DENND2C: variants seen among roughly 807,000 people sequenced by gnomAD.
DENND2C encodes the protein DENN domain containing 2C.
A neutral mutation model predicts 112.4 loss-of-function variants in DENND2C; 72 were observed. The observed-to-expected ratio is 0.64, with a 90% CI of 0.53 to 0.78. The LOEUF is 0.78. Among genes scored for constraint, DENND2C ranks in the 30% least tolerant of loss-of-function variants. The probability of loss-of-function intolerance (pLI) is 0.00; values close to 1 mark genes in which losing one functional copy is unlikely to be tolerated. For synonymous variants in DENND2C, 329 were observed against 381.6 expected, an observed-to-expected ratio of 0.86 and a Z score of 1.61; for missense variants, 992 against 1,113.8, an observed-to-expected ratio of 0.89 and a Z score of 1.56.
intron 1 of DENND2C, 150 bp from the exon 2 acceptor site, chr1:114,654,911 C>G (rs1657267571): frequency 6.6e-6 from 1 of 152,340 alleles, no homozygotes; most frequent in Middle Eastern, 3.4e-3. Context: ...GCTATTACAT[C>G]CACATTCCAG....
At chr1:114,655,399 C>T (rs1657280066) in intron 1 of DENND2C, among the ~76,000 whole-genome samples, 1 of 152,096 alleles carries the variant, frequency 6.6e-6, no homozygotes, top group South Asian at 2.1e-4. Flanking sequence ...AAACTAAGAG[C>T]GCATTCCTGG....
intron 5 of DENND2C, 35 bp downstream of exon 5, chr1:114,623,472 T>A: frequency 8.2e-6 from 13 of 1,583,980 alleles, no homozygotes; most frequent in Non-Finnish European, 1.1e-5. Flanking sequence ...AAATATATAA[T>A]CACTAAATTT....
chr1:114,653,324 G>C (rs1200316943), intron 2 of DENND2C, among the ~76,000 whole-genome samples: 1 of 151,996 alleles, frequency 6.6e-6, no homozygotes, highest in Admixed American at 6.6e-5. Flanking sequence ...ACCCAGGCTG[G>C]TCTTGAACTC....
At chr1:114,653,774 T>C (rs1000211881) in intron 2 of DENND2C, among the ~76,000 whole-genome samples, 26 of 152,280 alleles carry the variant, frequency 1.7e-4, no homozygotes, top group Admixed American at 1.3e-3. Flanking sequence ...TGAACACATA[T>C]GATGATGCAG....
intron 3 of DENND2C, among the ~76,000 whole-genome samples, chr1:114,638,272 T>G (rs1198314492): frequency 1.3e-5 from 2 of 152,138 alleles, no homozygotes; most frequent in East Asian, 1.9e-4. Flanking sequence ...TTACAAAATT[T>G]AAGTTGAAAT....
chr1:114,592,868 AC>A (rs1655234219), intron 18 of DENND2C, among the ~76,000 whole-genome samples: 1 of 152,144 alleles, frequency 6.6e-6, no homozygotes, highest in Admixed American at 6.5e-5. Flanking sequence ...TGTCAAATCC[AC>A]TGGTCAAATC....
chr1:114,616,024 G>A (rs1166256634), intron 8 of DENND2C, among the ~76,000 whole-genome samples: 2 of 152,054 alleles, frequency 1.3e-5, no homozygotes, highest in African/African-American at 2.4e-5. Context: ...GCAGTGAGCC[G>A]AGATCGCACT....
chr1:114,625,573 A>G lies in DENND2C; in HGVS notation c.412T>C (p.Leu138=), dbSNP rs749839007. Residue 138 remains leucine, a synonymous_variant, in exon 4 of 21, where the codon TTA becomes CTA. Transcript: ENST00000393274. ...GAGGTATAGAAGTTTCCTGGAGGTA[A>G]TGAAGTCTCTGGATCTAAGACATCT... ...KEDVLDPETS[L]PPGNFYTSQI... is the part of the protein sequence containing the mutation. 3 of 1,614,146 alleles carry G rather than the reference A, an allele frequency of 1.9e-6. No individual in the cohort carries two copies. The highest frequency in any genetic ancestry group is 2.5e-6 in the Non-Finnish European group (3 of 1,180,008).
chr1:114,668,694 C>T (rs1184660914), intron 1 of DENND2C, among the ~76,000 whole-genome samples: 1 of 152,062 alleles, frequency 6.6e-6, no homozygotes, highest in African/African-American at 2.4e-5. Context: ...TTCCCATCTC[C>T]CCGCTAAAAT....
At chr1:114,616,769 C>A (rs2101659695) in intron 8 of DENND2C, among the ~76,000 whole-genome samples, 1 of 152,200 alleles carries the variant, frequency 6.6e-6, no homozygotes, top group East Asian at 1.9e-4. Context: ...GCAAAGGAAT[C>A]CCTTGAACCC....
intron 18 of DENND2C, among the ~76,000 whole-genome samples, chr1:114,591,302 A>G (rs1264809257): frequency 6.6e-6 from 1 of 152,150 alleles, no homozygotes; most frequent in Non-Finnish European, 1.5e-5. Flanking sequence ...GGTGGGTATA[A>G]AAAATGGTAT....
At chr1:114,600,380 A>T in intron 14 of DENND2C, 28 bp from the exon 15 acceptor site, 1 of 1,612,948 alleles carries the variant, frequency 6.2e-7, no homozygotes, top group Non-Finnish European at 8.5e-7. Context: ...GAATCAGGTG[A>T]GCTAATGTTG....
intron 3 of DENND2C, among the ~76,000 whole-genome samples, chr1:114,638,337 A>G (rs1395737758): frequency 2.6e-5 from 4 of 152,226 alleles, no homozygotes; most frequent in Non-Finnish European, 5.9e-5. Context: ...GGAAGAAAAA[A>G]ATCTTCACGA....
At chr1:114,619,429 G>A (rs1255427542) in intron 7 of DENND2C, among the ~76,000 whole-genome samples, 5 of 151,982 alleles carry the variant, frequency 3.3e-5, no homozygotes, top group African/African-American at 9.7e-5. Context: ...CGAGAAAAAC[G>A]CTCTTGTATT....
chr1:114,608,963 T>G, intron 9 of DENND2C, 90 bp from the exon 10 acceptor site: 1 of 1,335,774 alleles, frequency 7.5e-7, no homozygotes, highest in Non-Finnish European at 1.1e-6. Flanking sequence ...AGGATTAATC[T>G]TCACACAGTC....
intron 3 of DENND2C, among the ~76,000 whole-genome samples, chr1:114,642,161 G>A (rs565462138): frequency 2.0e-5 from 3 of 152,178 alleles, no homozygotes; most frequent in South Asian, 2.1e-4. Context: ...CTGTTGGGCC[G>A]GCTGGTCTCA....
At chr1:114,602,098 T>C (rs1655527804) in intron 12 of DENND2C, 27 bp downstream of exon 12, 2 of 1,612,470 alleles carry the variant, frequency 1.2e-6, no homozygotes, top group Non-Finnish European at 1.7e-6. Flanking sequence ...TGACCAACCC[T>C]GTCTGTAACA....
At chr1:114,649,163 C>T (rs1657085361) in intron 2 of DENND2C, among the ~76,000 whole-genome samples, 1 of 152,012 alleles carries the variant, frequency 6.6e-6, no homozygotes, top group Non-Finnish European at 1.5e-5. Flanking sequence ...GCATGTTGAC[C>T]AGGCTGATCT....
chr1:114,639,553 G>A (rs979101734), intron 3 of DENND2C, among the ~76,000 whole-genome samples: 2 of 148,082 alleles, frequency 1.4e-5, no homozygotes, highest in Non-Finnish European at 3.0e-5. Context: ...TTGCACTCTA[G>A]CATGGGCAGC....
Sources: allele counts gnomAD v4.1 joint callset (sites outside exome capture counted in the v4.1 genomes callset), GRCh38; gene constraint gnomAD v4.1.1; transcripts MANE v1.5; gene names NCBI Gene and HGNC (gene_info 2026-07-23, HGNC 2026-07-21).